The following DYNC2H1 variants were observed in gnomAD, a reference collection of about 807,000 sequenced individuals.
The protein encoded by DYNC2H1 is cytoplasmic dynein 2 heavy chain 1.
Under a neutral mutation model 570.0 loss-of-function variants are expected in DYNC2H1, and 410 were observed. That is an observed-to-expected ratio of 0.72 (90% CI 0.66 to 0.78). The LOEUF is 0.78. Ranked by LOEUF, DYNC2H1 falls within the 30% of genes least tolerant of loss-of-function variation. DYNC2H1 has a pLI of 0.00. For synonymous variants in DYNC2H1, 1,688 were observed against 1,677.6 expected, an observed-to-expected ratio of 1.01 and a Z score of -0.15; for missense variants, 4,865 against 5,046.4, an observed-to-expected ratio of 0.96 and a Z score of 1.09.
At chr11:103,331,788 G>A (rs1018209172) in intron 82 of DYNC2H1, among the ~76,000 whole-genome samples, 3 of 152,132 alleles carry the variant, frequency 2.0e-5, no homozygotes. Context: ...GAGGCCAGGC[G>A]CAGTGGCTCA....
In DYNC2H1 at chr11:103,192,146, G is replaced by A. The variant is rs536494385; in HGVS notation, c.7590G>A (p.Glu2530=). 1 of 1,561,228 alleles carries A rather than the reference G, an allele frequency of 6.4e-7. No individual in the cohort carries two copies. Among genetic ancestry groups the A allele is most frequent in the African/African-American group, 1.3e-5 (1 of 74,312 alleles). The change falls in exon 47 of 89, where the codon GAG becomes GAA. Residue 2530 remains glutamate, a synonymous_variant. Coordinates refer to ENST00000375735, the MANE Select transcript of DYNC2H1 (RefSeq NM_001377.3). ...LDYVLEIVAY[E]ARRLFRDKIV... ...ATGTGTTAGAAATTGTAGCATATGA[G>A]GCACGGCGCTTATTTCGTGACAAAA...
chr11:103,204,965 G>A lies in DYNC2H1; in HGVS notation c.8454+1G>A. On this transcript the variant is annotated splice_donor_variant, in intron 52 of 88. Transcript: ENST00000375735. LOFTEE classifies it high-confidence loss of function. This position sits in a 1 kb window ranked among gnomAD's most constrained non-coding sequence, Gnocchi z 4.1. ...TTGGTCCAATAGCAGTATGAAGAAAGTAAGTTTAACAAATATTAAAAAATT... is the reference window on the plus strand; with the variant it reads ...TTGGTCCAATAGCAGTATGAAGAAAATAAGTTTAACAAATATTAAAAAATT... The A allele has an allele frequency of 6.4e-7, 1 of 1,557,478 alleles. No homozygotes were observed. Among genetic ancestry groups the A allele is most frequent in the Non-Finnish European group, 8.7e-7 (1 of 1,153,478 alleles).
At chr11:103,315,175 C>T (rs1420927265) in intron 79 of DYNC2H1, among the ~76,000 whole-genome samples, 8 of 152,008 alleles carry the variant, frequency 5.3e-5, no homozygotes, top group Non-Finnish European at 1.0e-4. Flanking sequence ...TGTATGTTTG[C>T]ATATCTGGCA....
rs72975611 is a variant in DYNC2H1, at chr11:103,296,935, C to G, written c.11096-6158C>G. Among the ~76,000 whole-genome samples the G allele has an allele frequency of 2.0e-5, 3 of 152,064 alleles. No homozygotes were observed. The South Asian group carries it at 6.2e-4, about 32-fold the overall frequency. Reference sequence around the variant, plus strand: ...CATTCCCCAACCCTCTTAGGCTGTTCCTTTTTACTTTCCTTTACTGGCTTC... The same window carrying G: ...CATTCCCCAACCCTCTTAGGCTGTTGCTTTTTACTTTCCTTTACTGGCTTC... On this transcript the variant is annotated intron_variant, in intron 75 of 88. Transcript: ENST00000375735.
At chr11:103,112,160 T>C (rs1196371757) in intron 1 of DYNC2H1, among the ~76,000 whole-genome samples, 1 of 152,082 alleles carries the variant, frequency 6.6e-6, no homozygotes, top group East Asian at 1.9e-4. Flanking sequence ...GGGAAGAGTG[T>C]TCTAAGCAAA....
intron 83 of DYNC2H1, among the ~76,000 whole-genome samples, chr11:103,366,263 C>G (rs1940903419): frequency 6.6e-6 from 1 of 152,082 alleles, no homozygotes; most frequent in Admixed American, 6.5e-5. Flanking sequence ...ATGCCAAGTT[C>G]TTGAGCACAT....
chr11:103,141,446 G>A (rs1859922603), intron 17 of DYNC2H1, among the ~76,000 whole-genome samples: 1 of 152,184 alleles, frequency 6.6e-6, no homozygotes, highest in African/African-American at 2.4e-5. Flanking sequence ...CTGTAGGTCT[G>A]TTGGAGTTTG....
chr11:103,343,953 A>G (rs1314257212), intron 82 of DYNC2H1, among the ~76,000 whole-genome samples: 2 of 152,198 alleles, frequency 1.3e-5, no homozygotes, highest in Non-Finnish European at 2.9e-5. Flanking sequence ...CCTGTGATTT[A>G]TGGAATTAAT....
intron 87 of DYNC2H1, among the ~76,000 whole-genome samples, chr11:103,460,316 A>AT (rs755700713): frequency 6.6e-6 from 1 of 151,530 alleles, no homozygotes; most frequent in Non-Finnish European, 1.5e-5. Context: ...TTATAGCATC[A>AT]TTTTTTAATT....
rs1197246634 is a variant in DYNC2H1, at chr11:103,174,169, T to C, written c.5673T>C (p.Asn1891=). The C allele has an allele frequency of 2.6e-6, 4 of 1,555,818 alleles. No homozygotes were observed. The East Asian group carries it at 9.4e-5, about 36-fold the overall frequency. ...RQLNKSGTTQ[N]ANESHIVVQA... is the part of the protein sequence containing the mutation. The stretch of plus-strand genomic sequence containing the variant: ...TAAACAAAAGTGGCACTACACAGAA[T>C]GGTATGATTGATTATTCCAAATACA... Residue 1891 remains asparagine, a splice_region_variant and synonymous_variant, in exon 36 of 89, where the codon AAT becomes AAC. Coordinates refer to ENST00000375735, the MANE Select transcript of DYNC2H1 (RefSeq NM_001377.3).
At chr11:103,136,540 A>G (rs1233545017) in intron 17 of DYNC2H1, among the ~76,000 whole-genome samples, 3 of 152,100 alleles carry the variant, frequency 2.0e-5, no homozygotes, top group Non-Finnish European at 4.4e-5. Flanking sequence ...CCATGTCCCT[A>G]CAAAAGACAT....
chr11:103,465,227 A>G lies in DYNC2H1; in HGVS notation c.12649-3362A>G, dbSNP rs1013584359. 6.6e-6 allele frequency among the ~76,000 whole-genome samples: 1 copy of G among 152,228 alleles called. No individual in the cohort carries two copies. The highest frequency in any genetic ancestry group is 1.5e-5 in the Non-Finnish European group (1 of 68,018). On this transcript the variant is annotated intron_variant, in intron 87 of 88. Coordinates refer to ENST00000375735, the MANE Select transcript of DYNC2H1 (RefSeq NM_001377.3). This position sits in a 1 kb window ranked among gnomAD's most constrained non-coding sequence, Gnocchi z 4.9. The stretch of plus-strand genomic sequence containing the variant: ...TTAATCCTACCAATTAAGAGAGATT[A>G]TCAGACTGGGGAAAAAATAAAATCC...
chr11:103,183,134 C>G (rs79408911), intron 40 of DYNC2H1, among the ~76,000 whole-genome samples: 2,702 of 151,992 alleles, frequency 0.018, 85 homozygotes, highest in African/African-American at 0.061. Flanking sequence ...TCATTGTGTC[C>G]TCAGAACCAA....
chr11:103,232,408 C>A (rs1417996919), intron 60 of DYNC2H1, among the ~76,000 whole-genome samples: 1 of 151,872 alleles, frequency 6.6e-6, no homozygotes, highest in Non-Finnish European at 1.5e-5. Flanking sequence ...AAAGTTTCTG[C>A]TCTTAACCAT....
intron 37 of DYNC2H1, 72 bp downstream of exon 37, chr11:103,176,506 C>A: frequency 8.5e-7 from 1 of 1,180,038 alleles, no homozygotes; most frequent in Non-Finnish European, 1.1e-6. Context: ...TATCCTTGTC[C>A]TTCATCTTTC....
At chr11:103,136,615 A>T (rs1417962031) in intron 17 of DYNC2H1, among the ~76,000 whole-genome samples, 2 of 152,056 alleles carry the variant, frequency 1.3e-5, no homozygotes, top group Admixed American at 1.3e-4. Context: ...TTTCTTAATC[A>T]AGTCTATCAT....
intron 82 of DYNC2H1, among the ~76,000 whole-genome samples, chr11:103,356,461 C>T (rs1940344708): frequency 6.6e-6 from 1 of 152,122 alleles, no homozygotes; most frequent in African/African-American, 2.4e-5. Context: ...CAGATTTTAA[C>T]ATCATGCACA....
intron 61 of DYNC2H1, 92 bp downstream of exon 61, chr11:103,234,252 C>T (rs1864135700): frequency 4.3e-6 from 6 of 1,383,586 alleles, no homozygotes; most frequent in Non-Finnish European, 5.8e-6. Context: ...GAGAAAGATC[C>T]ATTAATTTGC....
chr11:103,438,986 G>A (rs764255788), intron 85 of DYNC2H1, among the ~76,000 whole-genome samples: 5 of 152,024 alleles, frequency 3.3e-5, no homozygotes, highest in Non-Finnish European at 7.4e-5. Flanking sequence ...TTAAAAAAAA[G>A]ATAATTCCGC....
Sources: gnomAD v4.1 joint callset for allele counts (sites outside exome capture counted in the v4.1 genomes callset) on GRCh38, gnomAD v4.1.1 for gene constraint, Gnocchi (gnomAD v3.1) non-coding constraint, MANE v1.5 for transcripts, NCBI Gene and HGNC (gene_info 2026-07-23, HGNC 2026-07-21) for gene names.